CHCHD3: variants seen among roughly 807,000 people sequenced by gnomAD.
The protein encoded by CHCHD3 is MICOS complex subunit MIC19.
In CHCHD3, 20 loss-of-function variants were observed where a neutral mutation model predicts 38.2. The observed-to-expected ratio is 0.52, with a 90% CI of 0.37 to 0.76. CHCHD3 has a LOEUF of 0.76. CHCHD3 is among the 30% of genes least tolerant of loss of function. CHCHD3 has a pLI of 0.00. For synonymous variants in CHCHD3, 82 were observed against 100.0 expected (o/e 0.82, Z 1.07); for missense variants, 245 against 279.2 (o/e 0.88, Z 0.87).
At chr7:132,911,502 G>T (rs1007004147) in intron 4 of CHCHD3, among the ~76,000 whole-genome samples, 4 of 152,144 alleles carry the variant, frequency 2.6e-5, no homozygotes, top group Non-Finnish European at 4.4e-5. Context: ...AAGGCCTAAG[G>T]GATTCAAATT....
At chr7:132,985,779 C>A (rs867960351) in intron 3 of CHCHD3, among the ~76,000 whole-genome samples, 1 of 60,164 alleles carries the variant, frequency 1.7e-5, no homozygotes, top group Non-Finnish European at 3.5e-5. Flanking sequence ...GGGAGGGAGG[C>A]GGGGGGGTCA....
Position 133,035,819 on chromosome 7 carries a change from T to A in CHCHD3, c.170-11192A>T. On this transcript the variant is annotated intron_variant, in intron 2 of 7. Coordinates refer to ENST00000262570, the MANE Select transcript of CHCHD3 (RefSeq NM_017812.4). This position sits in a 1 kb window ranked among gnomAD's most constrained non-coding sequence, Gnocchi z 4.7. ...TTTGGCCAAAATGGAAGTGGGGTGG[T>A]GCGGAGAGCACGCGGATCTGAGCCC... The A allele has an allele frequency of 3.1e-6, 5 of 1,613,052 alleles. No homozygotes were observed. The highest frequency in any genetic ancestry group is 4.2e-6 in the Non-Finnish European group (5 of 1,179,100).
At chr7:132,860,237 A>G (rs771126297) in intron 5 of CHCHD3, among the ~76,000 whole-genome samples, 1 of 152,082 alleles carries the variant, frequency 6.6e-6, no homozygotes, top group Non-Finnish European at 1.5e-5. Context: ...ACTGCACTCC[A>G]GTCTGGGTGA....
Position 132,955,333 on chromosome 7 carries a change from G to A in CHCHD3, c.369+19836C>T, listed in dbSNP as rs544819918. 1.2e-4 allele frequency among the ~76,000 whole-genome samples: 18 copies of A among 152,230 alleles called. No homozygotes were observed. The South Asian group carries it at 3.7e-3, about 32-fold the overall frequency. ...ACACCTCTACACTCTACAGCCATTGGTGTGCATATTACGAACATGATTGCC... is the reference window on the plus strand; with the variant it reads ...ACACCTCTACACTCTACAGCCATTGATGTGCATATTACGAACATGATTGCC... On this transcript the variant is annotated intron_variant, in intron 4 of 7. Coordinates refer to ENST00000262570, the MANE Select transcript of CHCHD3 (RefSeq NM_017812.4).
At chr7:132,984,921 G>C (rs1812053619) in intron 3 of CHCHD3, among the ~76,000 whole-genome samples, 1 of 88,170 alleles carries the variant, frequency 1.1e-5, no homozygotes, top group Non-Finnish European at 2.4e-5. Context: ...CCCCCGCCCG[G>C]CCAGCCGCCC....
intron 6 of CHCHD3, among the ~76,000 whole-genome samples, chr7:132,801,945 C>T (rs1383646612): frequency 6.6e-6 from 1 of 152,144 alleles, no homozygotes; most frequent in East Asian, 1.9e-4. Flanking sequence ...CAGCCTTCCA[C>T]TCCAGTGTTA....
Position 132,860,367 on chromosome 7 carries a change from A to G in CHCHD3, c.454-21898T>C, listed in dbSNP as rs79872099. ...TCCCACATTGTTTTTTGTTTGTTTC[A>G]ATGAACAAACTTATTCCTCTTGGTC... is the stretch of plus-strand genomic sequence containing the variant. On this transcript the variant is annotated intron_variant, in intron 5 of 7. Transcript: ENST00000262570. Among the ~76,000 whole-genome samples the G allele has an allele frequency of 3.5e-3, 530 of 151,920 alleles. 3 individuals carry two copies. Among genetic ancestry groups the G allele is most frequent in the African/African-American group, 0.012 (492 of 41,412 alleles).
intron 5 of CHCHD3, among the ~76,000 whole-genome samples, chr7:132,853,949 T>C (rs931751178): frequency 6.6e-6 from 1 of 152,152 alleles, no homozygotes; most frequent in African/African-American, 2.4e-5. Context: ...TTTGAAAAAC[T>C]TGAAAGACAA....
chr7:132,878,769 G>T (rs1265645542), intron 5 of CHCHD3, among the ~76,000 whole-genome samples: 1 of 152,150 alleles, frequency 6.6e-6, no homozygotes, highest in Non-Finnish European at 1.5e-5. Flanking sequence ...TGCCTTCGTG[G>T]AACTTCTACT....
chr7:133,040,378 T>C (rs1366856996), intron 2 of CHCHD3, among the ~76,000 whole-genome samples: 1 of 152,148 alleles, frequency 6.6e-6, no homozygotes, highest in East Asian at 1.9e-4. Context: ...GACCTTTCTC[T>C]TCCCGCATGC....
At chr7:132,815,737 T>G in intron 6 of CHCHD3, 1 of 329,912 alleles carries the variant, frequency 3.0e-6, no homozygotes, top group South Asian at 2.5e-5. Context: ...TCTTCCTCCT[T>G]TCTCTCCCCT....
chr7:133,068,790 C>T (rs1350518182), intron 2 of CHCHD3, among the ~76,000 whole-genome samples: 2 of 152,062 alleles, frequency 1.3e-5, no homozygotes, highest in Admixed American at 6.6e-5. Context: ...GATGAATCCC[C>T]AATTGGGGAC....
At chr7:132,945,025 G>A (rs1342524835) in intron 4 of CHCHD3, among the ~76,000 whole-genome samples, 2 of 151,754 alleles carry the variant, frequency 1.3e-5, no homozygotes, top group Non-Finnish European at 1.5e-5. Context: ...TCATTTTGCA[G>A]GTATACAATC....
intron 5 of CHCHD3, among the ~76,000 whole-genome samples, chr7:132,848,438 A>G (rs1416405137): frequency 2.6e-5 from 4 of 152,198 alleles, no homozygotes; most frequent in Non-Finnish European, 5.9e-5. Flanking sequence ...CGCAGATACA[A>G]TTCCAGGCAC....
chr7:132,828,366 T>G (rs1464375599), intron 6 of CHCHD3, among the ~76,000 whole-genome samples: 1 of 152,192 alleles, frequency 6.6e-6, no homozygotes, highest in Non-Finnish European at 1.5e-5. Flanking sequence ...ACTCCTTTCA[T>G]GTGCTATTTG....
At chr7:133,076,566 A>G (rs1414688706) in intron 1 of CHCHD3, among the ~76,000 whole-genome samples, 1 of 152,154 alleles carries the variant, frequency 6.6e-6, no homozygotes, top group Non-Finnish European at 1.5e-5. Context: ...TGTGGTACTC[A>G]CCACACCAAT....
intron 6 of CHCHD3, among the ~76,000 whole-genome samples, chr7:132,813,138 T>C (rs541407047): frequency 2.0e-5 from 3 of 152,326 alleles, no homozygotes; most frequent in East Asian, 1.9e-4. Context: ...CACCATCAGC[T>C]GCTCAAACCT....
intron 2 of CHCHD3, among the ~76,000 whole-genome samples, chr7:133,055,430 ATTT>A (rs1315247749): frequency 2.1e-5 from 3 of 144,758 alleles, no homozygotes; most frequent in Non-Finnish European, 3.0e-5. Flanking sequence ...TCATAATTAT[ATTT>A]GTTATGTATT....
At chr7:133,038,531 A>T (rs952460129) in intron 2 of CHCHD3, among the ~76,000 whole-genome samples, 5 of 152,212 alleles carry the variant, frequency 3.3e-5, no homozygotes, top group African/African-American at 1.2e-4. Flanking sequence ...CTCAAGTAGC[A>T]TTTAATTTTG....
Sources: allele counts gnomAD v4.1 joint callset (sites outside exome capture counted in the v4.1 genomes callset), GRCh38; gene constraint gnomAD v4.1.1; non-coding constraint Gnocchi (gnomAD v3.1); transcripts MANE v1.5; gene names NCBI Gene and HGNC (gene_info 2026-07-23, HGNC 2026-07-21).